The following FGF12 variants were observed in gnomAD, a reference collection of about 807,000 sequenced individuals.
The protein encoded by FGF12 is fibroblast growth factor 12B.
Under a neutral mutation model 23.6 loss-of-function variants are expected in FGF12, and 14 were observed. The observed-to-expected ratio is 0.59, with a 90% CI of 0.39 to 0.93. The LOEUF (loss-of-function observed/expected upper bound fraction) is 0.93. Among genes scored for constraint, FGF12 ranks in the 40% least tolerant of loss-of-function variants. The pLI is 0.00. For missense variants in FGF12, 175 were observed against 217.8 expected (o/e 0.80, Z 1.24); for synonymous variants, 62 against 77.3 (o/e 0.80, Z 1.04).
chr3:192,511,459 CT>C (rs1356399293), intron 2 of FGF12, among the ~76,000 whole-genome samples: 2 of 152,188 alleles, frequency 1.3e-5, no homozygotes, highest in African/African-American at 2.4e-5. Context: ...CACATTTCCC[CT>C]GACTACATTT....
intron 2 of FGF12, among the ~76,000 whole-genome samples, chr3:192,369,470 G>A (rs1460784201): frequency 6.6e-6 from 1 of 152,142 alleles, no homozygotes; most frequent in Non-Finnish European, 1.5e-5. Flanking sequence ...TCTTCATATT[G>A]TCTCAAAGCT....
intron 4 of FGF12, among the ~76,000 whole-genome samples, chr3:192,212,922 CA>C (rs1235336851): frequency 2.0e-5 from 3 of 152,144 alleles, no homozygotes; most frequent in Admixed American, 6.5e-5. Flanking sequence ...GAGAAACACA[CA>C]AAAATCAAAC....
At chr3:192,456,015 T>C (rs1722672321) in intron 2 of FGF12, among the ~76,000 whole-genome samples, 1 of 152,198 alleles carries the variant, frequency 6.6e-6, no homozygotes, top group African/African-American at 2.4e-5. Context: ...TTTGGGTCCA[T>C]AATATGTTAT....
At chr3:192,365,819 G>A (rs187982935) in intron 2 of FGF12, among the ~76,000 whole-genome samples, 11 of 151,982 alleles carry the variant, frequency 7.2e-5, no homozygotes, top group Non-Finnish European at 1.0e-4. Flanking sequence ...TCCATCTAGT[G>A]CTATGAAGTA....
At chr3:192,664,852 A>G (rs1190553626) in intron 2 of FGF12, among the ~76,000 whole-genome samples, 1 of 152,206 alleles carries the variant, frequency 6.6e-6, no homozygotes, top group Non-Finnish European at 1.5e-5. Flanking sequence ...TGGAATAAAG[A>G]ATCCAGTACA....
intron 4 of FGF12, among the ~76,000 whole-genome samples, chr3:192,230,624 C>A (rs1487398926): frequency 6.6e-6 from 1 of 152,080 alleles, no homozygotes; most frequent in East Asian, 1.9e-4. Flanking sequence ...TAGAAAAAAA[C>A]CAAAAGGTTG....
At chr3:192,174,159 C>T (rs958351623) in intron 4 of FGF12, among the ~76,000 whole-genome samples, 11 of 152,326 alleles carry the variant, frequency 7.2e-5, no homozygotes, top group African/African-American at 2.6e-4. Flanking sequence ...ACTACATTGT[C>T]ATTTATACAT....
intron 2 of FGF12, among the ~76,000 whole-genome samples, chr3:192,553,331 C>T (rs1711613029): frequency 6.6e-6 from 1 of 151,736 alleles, no homozygotes; most frequent in African/African-American, 2.4e-5. Flanking sequence ...AACAGCAATA[C>T]CACAAAGATG....
chr3:192,261,408 T>C (rs1243109925), intron 4 of FGF12, among the ~76,000 whole-genome samples: 1 of 152,194 alleles, frequency 6.6e-6, no homozygotes, highest in Non-Finnish European at 1.5e-5. Context: ...GCTAATGCTA[T>C]ACTTCCGTTT....
chr3:192,497,401 C>G (rs561847620), intron 2 of FGF12, among the ~76,000 whole-genome samples: 6 of 152,334 alleles, frequency 3.9e-5, no homozygotes, highest in Non-Finnish European at 7.3e-5. Context: ...GAATAGCCTA[C>G]TAAATGGTCT....
intron 4 of FGF12, among the ~76,000 whole-genome samples, chr3:192,334,570 C>T (rs60141364): frequency 0.065 from 9,840 of 152,050 alleles, 1,023 homozygotes; most frequent in African/African-American, 0.21. Flanking sequence ...ATTCTCTCAA[C>T]GCATAAATTA....
intron 2 of FGF12, among the ~76,000 whole-genome samples, chr3:192,440,435 G>C (rs1722170282): frequency 6.6e-6 from 1 of 152,152 alleles, no homozygotes; most frequent in Non-Finnish European, 1.5e-5. Flanking sequence ...TGATTAGTCA[G>C]ATGGGATTTG....
At chr3:192,583,659 G>C (rs1231378849) in intron 2 of FGF12, among the ~76,000 whole-genome samples, 1 of 152,176 alleles carries the variant, frequency 6.6e-6, no homozygotes. Flanking sequence ...CAATTGAAGA[G>C]CAACGTCACA....
intron 2 of FGF12, among the ~76,000 whole-genome samples, chr3:192,440,994 T>C (rs1358791174): frequency 6.6e-6 from 1 of 152,204 alleles, no homozygotes; most frequent in East Asian, 1.9e-4. Context: ...AGGACTTCAA[T>C]CTGATAAATT....
intron 2 of FGF12, among the ~76,000 whole-genome samples, chr3:192,537,731 C>T (rs1351716776): frequency 6.6e-6 from 1 of 152,074 alleles, no homozygotes; most frequent in African/African-American, 2.4e-5. Context: ...ATATTTTCCC[C>T]CATTCTGTGG....
intron 4 of FGF12, among the ~76,000 whole-genome samples, chr3:192,204,747 G>A (rs1010679100): frequency 6.6e-6 from 1 of 152,052 alleles, no homozygotes; most frequent in African/African-American, 2.4e-5. Context: ...TGAGCTGGGC[G>A]TGGTAGCATG....
chr3:192,673,273 G>A (rs1259710475), intron 2 of FGF12: 1 of 150,724 alleles, frequency 6.6e-6, no homozygotes, highest in Non-Finnish European at 1.5e-5. Flanking sequence ...CTGTGGTGCT[G>A]GCAAGAAAAA....
intron 4 of FGF12, among the ~76,000 whole-genome samples, chr3:192,208,278 C>A (rs1208518807): frequency 5.3e-5 from 8 of 152,138 alleles, no homozygotes; most frequent in Non-Finnish European, 1.0e-4. Context: ...TTACGATATT[C>A]CATAGAATGC....
intron 2 of FGF12, among the ~76,000 whole-genome samples, chr3:192,438,075 T>TA (rs1449470776): frequency 6.6e-6 from 1 of 152,212 alleles, no homozygotes; most frequent in African/African-American, 2.4e-5. Flanking sequence ...TTCAATTGCC[T>TA]TTTGTACATA....
Sources: allele counts gnomAD v4.1 joint callset (sites outside exome capture counted in the v4.1 genomes callset), GRCh38; gene constraint gnomAD v4.1.1; transcripts MANE v1.5; gene names NCBI Gene and HGNC (gene_info 2026-07-23, HGNC 2026-07-21).